The following PRKCH variants were observed in gnomAD, a reference collection of about 807,000 sequenced individuals.
The protein encoded by PRKCH is protein kinase C eta, also known as protein kinase C eta type.
A neutral mutation model predicts 82.5 loss-of-function variants in PRKCH; 28 were observed. The ratio of observed to expected loss-of-function variants is 0.34; its 90% CI spans 0.25 to 0.47. The LOEUF (loss-of-function observed/expected upper bound fraction) is 0.47. Among genes scored for constraint, PRKCH ranks in the 20% least tolerant of loss-of-function variants. The probability of loss-of-function intolerance (pLI) is 1.00; values close to 1 mark genes in which losing one functional copy is unlikely to be tolerated. For missense variants in PRKCH, 705 were observed against 881.8 expected (o/e 0.80, Z 2.54); for synonymous variants, 322 against 327.4 (o/e 0.98, Z 0.18).
At chr14:61,216,752 G>A (rs1027995733) in intron 1 of PRKCH, among the ~76,000 whole-genome samples, 2 of 152,228 alleles carry the variant, frequency 1.3e-5, no homozygotes. Context: ...GCTCGAACAT[G>A]AGAGAAAGAG....
intron 2 of PRKCH, among the ~76,000 whole-genome samples, chr14:61,426,960 T>A (rs1883138332): frequency 6.6e-6 from 1 of 152,186 alleles, no homozygotes; most frequent in South Asian, 2.1e-4. Flanking sequence ...TCTAAAATAT[T>A]TGAAGAGGTT....
At position 61,529,158 on chromosome 14, in the gene PRKCH, G is replaced by T. The variant is rs2043011385; in HGVS notation, c.1517G>T (p.Cys506Phe). 1 of 1,614,066 alleles carries T rather than the reference G, an allele frequency of 6.2e-7. No individual in the cohort carries two copies. The highest frequency in any genetic ancestry group is 1.3e-5 in the African/African-American group (1 of 75,052). ...ADFGMCKEGI[C>F]NGVTTATFCG... is the part of the protein sequence containing the mutation. The stretch of plus-strand genomic sequence containing the variant: ...TTCGGAATGTGCAAGGAGGGGATTT[G>T]CAATGGTGTCACCACGGCCACATTC... Residue 506 changes from cysteine to phenylalanine, a missense_variant, in exon 11 of 14, where the codon TGC becomes TTC. Cys to Phe is a radical substitution (Grantham distance 205). Around this residue, in one of 5 missense-constraint regions of PRKCH, gnomAD observed 115 missense variants for 193.8 expected, o/e 0.59. Transcript: ENST00000332981.
At chr14:61,417,698 T>C (rs541978531) in intron 2 of PRKCH, among the ~76,000 whole-genome samples, 8 of 152,324 alleles carry the variant, frequency 5.3e-5, no homozygotes, top group African/African-American at 1.9e-4. Context: ...CTTCTGTCTT[T>C]GAAGTCTTAG....
chr14:61,248,788 GTA>G (rs1321092996), intron 1 of PRKCH, among the ~76,000 whole-genome samples: 4,092 of 73,956 alleles, frequency 0.055, 91 homozygotes, highest in Admixed American at 0.13. Flanking sequence ...ATGTATGTAT[GTA>G]TGTATGTATG....
chr14:61,429,707 C>A (rs968810603), intron 2 of PRKCH, among the ~76,000 whole-genome samples: 1 of 152,030 alleles, frequency 6.6e-6, no homozygotes, highest in East Asian at 1.9e-4. Context: ...AAAATAAAAA[C>A]CCATATGTAC....
intron 2 of PRKCH, among the ~76,000 whole-genome samples, chr14:61,417,389 G>A (rs1236802579): frequency 2.6e-5 from 4 of 152,314 alleles, no homozygotes; most frequent in South Asian, 4.1e-4. Context: ...TTCTAGGGCT[G>A]TCAGTGCAGC....
chr14:61,213,847 T>A (rs2044599539), intron 1 of PRKCH, among the ~76,000 whole-genome samples: 1 of 152,218 alleles, frequency 6.6e-6, no homozygotes. Flanking sequence ...TGTATTCATT[T>A]AACAATGGTT....
At chr14:61,471,466 A>G (rs1885500673) in intron 9 of PRKCH, among the ~76,000 whole-genome samples, 2 of 152,070 alleles carry the variant, frequency 1.3e-5, no homozygotes, top group South Asian at 4.1e-4. Flanking sequence ...TTAAAACACC[A>G]TGCCCAGTTA....
intron 9 of PRKCH, among the ~76,000 whole-genome samples, 180 bp downstream of exon 9, chr14:61,457,859 T>C (rs1273357380): frequency 6.6e-6 from 1 of 152,186 alleles, no homozygotes; most frequent in East Asian, 1.9e-4. Flanking sequence ...TGGAAGCTTA[T>C]GAATTCACCC....
intron 1 of PRKCH, among the ~76,000 whole-genome samples, chr14:61,368,637 C>CAA (rs2046328876): frequency 6.6e-6 from 1 of 152,134 alleles, no homozygotes; most frequent in African/African-American, 2.4e-5. Context: ...CACTGATCAC[C>CAA]TCCTCTCTTA....
chr14:61,399,421 T>C (rs35245644), intron 2 of PRKCH, among the ~76,000 whole-genome samples: 38,242 of 152,154 alleles, frequency 0.25, 5,208 homozygotes, highest in South Asian at 0.39. Context: ...GTTTTATCCA[T>C]GATTCTCAGT....
intron 10 of PRKCH, among the ~76,000 whole-genome samples, chr14:61,508,226 T>C (rs1887236825): frequency 6.6e-6 from 1 of 152,122 alleles, no homozygotes. Flanking sequence ...GCTCACAAAA[T>C]GCCCATGATT....
chr14:61,400,758 C>T (rs373802121), intron 2 of PRKCH, among the ~76,000 whole-genome samples: 15 of 152,192 alleles, frequency 9.9e-5, no homozygotes, highest in African/African-American at 3.6e-4. Flanking sequence ...GTGTTCATAC[C>T]ATGCTATATA....
At chr14:61,449,858 C>G (rs1048110610) in intron 5 of PRKCH, among the ~76,000 whole-genome samples, 7 of 105,500 alleles carry the variant, frequency 6.6e-5, no homozygotes, top group Admixed American at 3.2e-4. Context: ...GGGAAGATGT[C>G]TCTCTCTCTC....
chr14:61,388,408 A>ATCT (rs2046622770), intron 1 of PRKCH, among the ~76,000 whole-genome samples: 1 of 152,132 alleles, frequency 6.6e-6, no homozygotes, highest in Non-Finnish European at 1.5e-5. Flanking sequence ...AACTGGTGGA[A>ATCT]TCTCCTGCTG....
chr14:61,238,035 A>T (rs2044805351), intron 1 of PRKCH, among the ~76,000 whole-genome samples: 1 of 152,260 alleles, frequency 6.6e-6, no homozygotes, highest in African/African-American at 2.4e-5. Flanking sequence ...AACTTGTTGC[A>T]AAGTAGTAAC....
At chr14:61,435,463 G>A (rs914768326) in intron 2 of PRKCH, among the ~76,000 whole-genome samples, 8 of 152,024 alleles carry the variant, frequency 5.3e-5, no homozygotes, top group African/African-American at 1.7e-4. Context: ...AGAGGGTTCA[G>A]CCCAACAAAT....
In PRKCH at chr14:61,241,145, ATACT is replaced by A. The variant is rs1179645010; in HGVS notation, c.-19+53485_-19+53488del. On this transcript the variant is annotated intron_variant, in intron 1 of 3. Coordinates refer to the PRKCH transcript ENST00000555185. The stretch of plus-strand genomic sequence containing the variant: ...CAAAGTGGCTCACAGAACTCAGGAA[ATACT>A]TACTTACATTTACTGGTTTATTATA... Among the ~76,000 whole-genome samples, 7 of 152,206 alleles carry A rather than the reference ATACT, an allele frequency of 4.6e-5. No individual in the cohort carries two copies. The South Asian group carries it at 8.3e-4, about 18-fold the overall frequency.
chr14:61,453,092 T>G, intron 6 of PRKCH, 134 bp from the exon 7 acceptor site: 1 of 1,147,768 alleles, frequency 8.7e-7, no homozygotes, highest in Non-Finnish European at 1.3e-6. Context: ...GAGCTTAATT[T>G]TATGAGAAAA....
Sources: gnomAD v4.1 joint callset for allele counts (sites outside exome capture counted in the v4.1 genomes callset) on GRCh38, gnomAD v4.1.1 for gene constraint, gnomAD v4.1.1 regional missense constraint, MANE v1.5 for transcripts, NCBI Gene and HGNC (gene_info 2026-07-23, HGNC 2026-07-21) for gene names.